PTPRQ: variants seen among roughly 807,000 people sequenced by gnomAD.
PTPRQ encodes the protein protein tyrosine phosphatase receptor type Q, also known as phosphatidylinositol phosphatase PTPRQ.
In PTPRQ, 199 loss-of-function variants were observed where a neutral mutation model predicts 246.0. That is an observed-to-expected ratio of 0.81 (90% CI 0.72 to 0.91). The LOEUF is 0.91. PTPRQ is among the 40% of genes least tolerant of loss of function. The pLI is 0.00. For synonymous variants in PTPRQ, 869 were observed against 853.2 expected, an observed-to-expected ratio of 1.02 and a Z score of -0.32; for missense variants, 2,624 against 2,528.4, an observed-to-expected ratio of 1.04 and a Z score of -0.81.
At chr12:80,611,431 G>C (rs918889426) in intron 28 of PTPRQ, among the ~76,000 whole-genome samples, 3 of 150,122 alleles carry the variant, frequency 2.0e-5, no homozygotes, top group Non-Finnish European at 3.0e-5. Flanking sequence ...TATGCATTTT[G>C]TCTGTAAAGT....
chr12:80,658,526 A>G (rs1486694924), intron 39 of PTPRQ, among the ~76,000 whole-genome samples: 1 of 151,980 alleles, frequency 6.6e-6, no homozygotes, highest in Non-Finnish European at 1.5e-5. Context: ...TGCACTCAAG[A>G]TCTCCACTTG....
chr12:80,670,883 A>G (rs193284492), intron 42 of PTPRQ, among the ~76,000 whole-genome samples: 3 of 152,244 alleles, frequency 2.0e-5, no homozygotes, highest in African/African-American at 7.2e-5. Context: ...CTGGAAATAT[A>G]CTGTGTTGAT....
chr12:80,549,548 A>C lies in PTPRQ; in HGVS notation c.4099A>C (p.Asn1367His). 6.4e-7 allele frequency: 1 copy of C among 1,551,212 alleles called. No individual in the cohort carries two copies. The highest frequency in any genetic ancestry group is 8.7e-7 in the Non-Finnish European group (1 of 1,146,594). Reference sequence around the variant, plus strand: ...GAAATGGGATCCACCCAAAAAGGCAAATGGAATAATAACGCAGTATATGGT... The same window carrying C: ...GAAATGGGATCCACCCAAAAAGGCACATGGAATAATAACGCAGTATATGGT... ...LVKWDPPKKANGIITQYMVTV... is the reference protein window; with the variant it reads ...LVKWDPPKKAHGIITQYMVTV... The change falls in exon 25 of 45, where the codon AAT becomes CAT. Residue 1367 changes from asparagine (N) to histidine (H), a missense_variant. By Grantham distance (68) the Asn-to-His change is moderately conservative (BLOSUM62 1). Coordinates refer to ENST00000644991, the MANE Select transcript of PTPRQ (RefSeq NM_001145026.2).
intron 17 of PTPRQ, among the ~76,000 whole-genome samples, chr12:80,527,693 A>G (rs779558150): frequency 3.3e-4 from 51 of 152,250 alleles, no homozygotes; most frequent in Non-Finnish European, 5.3e-4. Context: ...AAAAGGAGAC[A>G]TAACTACAGA....
At chr12:80,524,973 A>T (rs1275005194) in intron 17 of PTPRQ, among the ~76,000 whole-genome samples, 1 of 152,190 alleles carries the variant, frequency 6.6e-6, no homozygotes, top group African/African-American at 2.4e-5. Flanking sequence ...AGCATGTGTG[A>T]AAAATATTTA....
At chr12:80,509,588 AT>A (rs1159939808) in intron 16 of PTPRQ, among the ~76,000 whole-genome samples, 1 of 152,132 alleles carries the variant, frequency 6.6e-6, no homozygotes, top group East Asian at 1.9e-4. Flanking sequence ...GAGAAATGTC[AT>A]TCTAAATGTT....
In PTPRQ at chr12:80,477,947, T is replaced by C. The variant is rs1592556796; in HGVS notation, c.1186+5696T>C. On this transcript the variant is annotated intron_variant, in intron 8 of 44. Transcript: ENST00000644991. ...TCAAACTGCAAGGCGGCAGCGAAGCTGGGTGAGGGGCGCCCGCCATTGCCC... is the reference window on the plus strand; with the variant it reads ...TCAAACTGCAAGGCGGCAGCGAAGCCGGGTGAGGGGCGCCCGCCATTGCCC... Among the ~76,000 whole-genome samples the C allele has an allele frequency of 2.6e-5, 4 of 152,146 alleles. No individual in the cohort carries two copies. The South Asian group carries it at 8.3e-4, about 32-fold the overall frequency.
At position 80,542,267 on chromosome 12, in the gene PTPRQ, G is replaced by C; in HGVS notation, c.3624G>C (p.Glu1208Asp). ...ITSDNYIILE[E>D]LSPFTLYSFF... ...CTGATAATTACATAATATTGGAAGA[G>C]CTTTCACCATTTACATTATATAGCT... The change falls in exon 22 of 45, where the codon GAG becomes GAC. Residue 1208 changes from glutamate to aspartate, a missense_variant. By Grantham distance (45) the Glu-to-Asp change is conservative. Transcript: ENST00000644991. 6.4e-7 allele frequency: 1 copy of C among 1,550,630 alleles called. No homozygotes were observed. The highest frequency in any genetic ancestry group is 8.7e-7 in the Non-Finnish European group (1 of 1,146,486).
intron 17 of PTPRQ, among the ~76,000 whole-genome samples, chr12:80,530,922 C>T (rs1895825780): frequency 6.6e-6 from 1 of 151,962 alleles, no homozygotes; most frequent in South Asian, 2.1e-4. Flanking sequence ...TGTAGGGTTG[C>T]ATGCCTGTAG....
chr12:80,637,169 C>T lies in PTPRQ; in HGVS notation c.5915+2096C>T, dbSNP rs371275153. Among the ~76,000 whole-genome samples, 9 of 148,568 alleles carry T rather than the reference C, an allele frequency of 6.1e-5. 1 individual carries two copies. The highest frequency in any genetic ancestry group is 2.0e-4 in the East Asian group (1 of 4,988). On this transcript the variant is annotated intron_variant, in intron 35 of 44. Coordinates refer to ENST00000644991, the MANE Select transcript of PTPRQ (RefSeq NM_001145026.2). Reference sequence around the variant, plus strand: ...AGCTACTCCAGCCTGGGTGACAGAGCGAGACTCCATGTCAAACAAAAAGAG... The same window carrying T: ...AGCTACTCCAGCCTGGGTGACAGAGTGAGACTCCATGTCAAACAAAAAGAG...
intron 6 of PTPRQ, among the ~76,000 whole-genome samples, chr12:80,466,412 A>G (rs1013333901): frequency 1.3e-5 from 2 of 152,146 alleles, no homozygotes; most frequent in African/African-American, 4.8e-5. Flanking sequence ...AATCAATATC[A>G]TGAAAATGGC....
intron 33 of PTPRQ, among the ~76,000 whole-genome samples, chr12:80,624,575 C>A (rs1899124330): frequency 6.6e-6 from 1 of 152,150 alleles, no homozygotes; most frequent in Admixed American, 6.5e-5. Context: ...TGAGAATGCA[C>A]CCCTGGAGCA....
At chr12:80,590,971 A>G (rs1483936901) in intron 26 of PTPRQ, among the ~76,000 whole-genome samples, 1 of 152,118 alleles carries the variant, frequency 6.6e-6, no homozygotes, top group African/African-American at 2.4e-5. Flanking sequence ...CTTTACTTAA[A>G]TGATCCCTGA....
rs1659257562 is a variant in PTPRQ at position 80,542,788 on chromosome 12, G to T, written c.3780G>T (p.Trp1260Cys). Residue 1260 changes from tryptophan to cysteine, a missense_variant, in exon 23 of 45, where the codon TGG becomes TGT. Transcript: ENST00000644991. ...TLINCTSDFV[W>C]LKWSPSPLPG... The stretch of plus-strand genomic sequence containing the variant: ...TCAACTGTACTTCAGACTTTGTATG[G>T]CTGAAATGGAGCCCAAGTCCTCTTC... The T allele has an allele frequency of 6.5e-7, 1 of 1,549,254 alleles. No homozygotes were observed. The highest frequency in any genetic ancestry group is 8.7e-7 in the Non-Finnish European group (1 of 1,145,876).
intron 1 of PTPRQ, 75 bp downstream of exon 1, chr12:80,444,474 C>G (rs1892491357): frequency 1.1e-6 from 1 of 884,612 alleles, no homozygotes; most frequent in African/African-American, 1.7e-5. Flanking sequence ...AATAGTTGTT[C>G]CTTGTGACAG....
At chr12:80,609,268 T>A (rs150032468) in intron 27 of PTPRQ, among the ~76,000 whole-genome samples, 386 of 148,132 alleles carry the variant, frequency 2.6e-3, no homozygotes, top group African/African-American at 9.3e-3. Flanking sequence ...TTATACCATA[T>A]GCAAATCAAT....
chr12:80,497,717 A>C (rs1367057887), intron 14 of PTPRQ, among the ~76,000 whole-genome samples: 1 of 152,108 alleles, frequency 6.6e-6, no homozygotes, highest in Non-Finnish European at 1.5e-5. Context: ...TGGCATAACT[A>C]TTAGGCCAAT....
At chr12:80,609,985 T>C (rs1416624212) in intron 27 of PTPRQ, among the ~76,000 whole-genome samples, 1 of 150,526 alleles carries the variant, frequency 6.6e-6, no homozygotes, top group African/African-American at 2.4e-5. Context: ...AGTGAAACAC[T>C]GTAAATAGTT....
At chr12:80,497,006 C>T (rs1305894123) in intron 14 of PTPRQ, among the ~76,000 whole-genome samples, 1 of 151,692 alleles carries the variant, frequency 6.6e-6, no homozygotes, top group Non-Finnish European at 1.5e-5. Context: ...TTGGAATGGG[C>T]AGAAGGATGT....
Sources: allele counts gnomAD v4.1 joint callset (sites outside exome capture counted in the v4.1 genomes callset), GRCh38; gene constraint gnomAD v4.1.1; transcripts MANE v1.5; gene names NCBI Gene and HGNC (gene_info 2026-07-23, HGNC 2026-07-21).